The following WWOX variants were observed in gnomAD, a reference collection of about 807,000 sequenced individuals.
The protein encoded by WWOX is WW domain containing oxidoreductase, also known as WW domain-containing oxidoreductase.
A neutral mutation model predicts 46.2 loss-of-function variants in WWOX; 69 were observed. The observed-to-expected ratio is 1.49, with a 90% CI of 1.23 to 1.82. WWOX has a LOEUF of 1.82. Among genes scored for constraint, WWOX ranks in the 40% most tolerant of loss-of-function variants. The pLI, the probability that WWOX is intolerant of heterozygous loss-of-function variation, is 0.00. For synonymous variants in WWOX, 359 were observed against 202.6 expected, an observed-to-expected ratio of 1.77 and a Z score of -6.56; for missense variants, 919 against 542.6, an observed-to-expected ratio of 1.69 and a Z score of -6.89.
intron 8 of WWOX, chr16:78,897,279 A>G (rs1044601998): frequency 1.3e-5 from 2 of 151,226 alleles, no homozygotes; most frequent in Non-Finnish European, 2.9e-5. Flanking sequence ...AAAAAAACAA[A>G]AACAAGAACA....
intron 8 of WWOX, among the ~76,000 whole-genome samples, chr16:78,817,089 CTGTAATCCCTGGT>C (rs1233077210): frequency 6.6e-6 from 1 of 150,406 alleles, no homozygotes; most frequent in Non-Finnish European, 1.5e-5. Flanking sequence ...CCCTAACCCT[CTGTAATCCCTGGT>C]GGAGCTAAGG....
chr16:78,938,259 G>T (rs1597177369), intron 8 of WWOX, among the ~76,000 whole-genome samples: 1 of 152,338 alleles, frequency 6.6e-6, no homozygotes, highest in East Asian at 1.9e-4. Context: ...GGTGGGGAAA[G>T]ACAGGAAGTA....
intron 8 of WWOX, among the ~76,000 whole-genome samples, chr16:78,642,091 G>C (rs999449120): frequency 6.6e-6 from 1 of 152,184 alleles, no homozygotes; most frequent in South Asian, 2.1e-4. Context: ...CTGTGTAGGA[G>C]ACTGTCTGTC....
rs906489154 is a variant in WWOX at position 78,709,407 on chromosome 16, C to T, written c.1056+276655C>T. Among the ~76,000 whole-genome samples, 7 of 152,144 alleles carry T rather than the reference C, an allele frequency of 4.6e-5. No homozygotes were observed. In the South Asian group the frequency reaches 6.2e-4, roughly 14 times the overall value. On this transcript the variant is annotated intron_variant, in intron 8 of 8. Coordinates refer to ENST00000566780, the MANE Select transcript of WWOX (RefSeq NM_016373.4). ...ATTCCGGTTCACAGGGCCTGGGTAG[C>T]GGGCCCAGCCTGTTGCAAGTAATCG...
chr16:78,657,203 T>A lies in WWOX; in HGVS notation c.1056+224451T>A, dbSNP rs566736354. ...GTCATTTTTACTCTGAGTCTGTCCA[T>A]TGTCATCATCTCCACCATCACCCCT... On this transcript the variant is annotated intron_variant, in intron 8 of 8. Transcript: ENST00000566780. Among the ~76,000 whole-genome samples, 4 of 152,232 alleles carry A rather than the reference T, an allele frequency of 2.6e-5. No homozygotes were observed. The East Asian group carries it at 7.7e-4, about 29-fold the overall frequency.
chr16:78,981,341 A>G (rs1263270010), intron 8 of WWOX, among the ~76,000 whole-genome samples: 1 of 152,282 alleles, frequency 6.6e-6, no homozygotes, highest in East Asian at 1.9e-4. Context: ...GGAAAACGCC[A>G]GCAGATCTCT....
At chr16:79,180,997 C>T (rs757215031) in intron 8 of WWOX, among the ~76,000 whole-genome samples, 3 of 152,014 alleles carry the variant, frequency 2.0e-5, no homozygotes, top group East Asian at 1.9e-4. Context: ...GATTTTTTAG[C>T]GTATTAGATT....
At chr16:78,235,608 T>C (rs1450682302) in intron 5 of WWOX, among the ~76,000 whole-genome samples, 1 of 152,200 alleles carries the variant, frequency 6.6e-6, no homozygotes. Flanking sequence ...TTTTGTCTTT[T>C]GCAGCCGGCT....
intron 8 of WWOX, among the ~76,000 whole-genome samples, chr16:79,195,086 G>T (rs955386844): frequency 2.4e-4 from 36 of 152,264 alleles, no homozygotes; most frequent in African/African-American, 8.2e-4. Context: ...TAAAGTGTGA[G>T]CATACCCGTA....
chr16:78,306,233 G>A (rs1294137394), intron 5 of WWOX, among the ~76,000 whole-genome samples: 1 of 152,132 alleles, frequency 6.6e-6, no homozygotes, highest in Non-Finnish European at 1.5e-5. Flanking sequence ...TTTGGGAACC[G>A]CATTTATGGA....
chr16:78,331,121 C>A (rs1048018049), intron 5 of WWOX, among the ~76,000 whole-genome samples: 1 of 152,072 alleles, frequency 6.6e-6, no homozygotes, highest in African/African-American at 2.4e-5. Context: ...TTAACACCTA[C>A]GGTCCCTGAA....
chr16:78,422,718 CACAT>C (rs1363097186), intron 6 of WWOX, among the ~76,000 whole-genome samples: 2 of 116,154 alleles, frequency 1.7e-5, no homozygotes, highest in Admixed American at 9.4e-5. Flanking sequence ...TATACACACA[CACAT>C]ATATATATAC....
At chr16:78,701,520 A>C (rs536791984) in intron 8 of WWOX, among the ~76,000 whole-genome samples, 1 of 151,526 alleles carries the variant, frequency 6.6e-6, no homozygotes, top group South Asian at 2.1e-4. Context: ...TCTTCTATCT[A>C]CCTGTCTCTA....
At chr16:78,416,878 G>T (rs1044432234) in intron 6 of WWOX, among the ~76,000 whole-genome samples, 1 of 152,174 alleles carries the variant, frequency 6.6e-6, no homozygotes. Context: ...TACAGGGGAG[G>T]ACACAGATTC....
intron 8 of WWOX, among the ~76,000 whole-genome samples, chr16:78,485,051 T>A (rs2084596627): frequency 6.6e-6 from 1 of 151,970 alleles, no homozygotes. Context: ...TGAAACTCCC[T>A]AGGATGAATG....
At chr16:78,634,821 A>T (rs1056717346) in intron 8 of WWOX, among the ~76,000 whole-genome samples, 3 of 104,858 alleles carry the variant, frequency 2.9e-5, no homozygotes, top group African/African-American at 8.4e-5. Context: ...GGAGAGAGAG[A>T]GAGAGAGAGA....
intron 5 of WWOX, among the ~76,000 whole-genome samples, chr16:78,379,576 C>A (rs886148854): frequency 6.6e-6 from 1 of 152,170 alleles, no homozygotes; most frequent in African/African-American, 2.4e-5. Flanking sequence ...GCCAGGGATT[C>A]TTTTGTTGGA....
intron 5 of WWOX, among the ~76,000 whole-genome samples, chr16:78,205,333 C>T (rs1373092351): frequency 6.6e-6 from 1 of 152,122 alleles, no homozygotes; most frequent in African/African-American, 2.4e-5. Flanking sequence ...AGAAAAACTC[C>T]ACGTATCCAT....
intron 8 of WWOX, among the ~76,000 whole-genome samples, chr16:78,696,467 G>C (rs574331224): frequency 7.2e-5 from 11 of 152,044 alleles, no homozygotes; most frequent in Middle Eastern, 6.8e-3. Flanking sequence ...TACATTTTGA[G>C]TTTCGATTTT....
Sources: gnomAD v4.1 joint callset for allele counts (sites outside exome capture counted in the v4.1 genomes callset) on GRCh38, gnomAD v4.1.1 for gene constraint, MANE v1.5 for transcripts, NCBI Gene and HGNC (gene_info 2026-07-23, HGNC 2026-07-21) for gene names.